The following NME7 variants were observed in gnomAD, a reference collection of about 807,000 sequenced individuals.
NME7 encodes the protein nucleoside diphosphate kinase 7.
A neutral mutation model predicts 49.1 loss-of-function variants in NME7; 41 were observed. The ratio of observed to expected loss-of-function variants is 0.83; its 90% CI spans 0.65 to 1.08. The LOEUF (loss-of-function observed/expected upper bound fraction) is 1.08, where lower values mean the gene tolerates loss of function less well. NME7 is among the 50% of genes least tolerant of loss of function. The pLI, the probability that NME7 is intolerant of heterozygous loss-of-function variation, is 0.00. For synonymous variants in NME7, 139 were observed against 150.6 expected (o/e 0.92, Z 0.56); for missense variants, 423 against 463.4 (o/e 0.91, Z 0.80).
In NME7 at chr1:169,151,497, A is replaced by C. The variant is rs1658913915; in HGVS notation, c.1098+17950T>G. On this transcript the variant is annotated intron_variant, in intron 11 of 11. Coordinates refer to ENST00000367811, the MANE Select transcript of NME7 (RefSeq NM_013330.5). ...GAGGTGGAGGGATTCCAATGAATCC[A>C]GGGTGGCCCTCGGTGACCCAGGGCT... Among the ~76,000 whole-genome samples the C allele has an allele frequency of 2.0e-5, 3 of 152,142 alleles. No homozygotes were observed. The South Asian group carries it at 6.2e-4, about 31-fold the overall frequency.
chr1:169,174,881 T>C (rs1253022166), intron 10 of NME7, among the ~76,000 whole-genome samples: 2 of 152,206 alleles, frequency 1.3e-5, no homozygotes, highest in Non-Finnish European at 2.9e-5. Flanking sequence ...TGTATACTAC[T>C]GCAGACTTTA....
intron 3 of NME7, among the ~76,000 whole-genome samples, chr1:169,318,740 A>G (rs1368751082): frequency 6.6e-6 from 1 of 152,076 alleles, no homozygotes; most frequent in Non-Finnish European, 1.5e-5. Flanking sequence ...GAAGTCATGG[A>G]GTACATAGAA....
At chr1:169,294,954 C>T (rs1208855893) in intron 6 of NME7, among the ~76,000 whole-genome samples, 1 of 152,062 alleles carries the variant, frequency 6.6e-6, no homozygotes, top group Non-Finnish European at 1.5e-5. Flanking sequence ...GATTAATGCC[C>T]TCCCTCCAAG....
At chr1:169,222,807 A>G (rs1661184948) in intron 10 of NME7, among the ~76,000 whole-genome samples, 1 of 152,232 alleles carries the variant, frequency 6.6e-6, no homozygotes, top group African/African-American at 2.4e-5. Context: ...AAATTTATAG[A>G]AAAGTTACTA....
At chr1:169,343,403 T>C (rs1238431973) in intron 1 of NME7, among the ~76,000 whole-genome samples, 1 of 152,122 alleles carries the variant, frequency 6.6e-6, no homozygotes. Flanking sequence ...TTGTCAAAAA[T>C]CAATTTACCA....
In NME7 at chr1:169,342,495, A is replaced by ATATAC. The variant is rs1446639168; in HGVS notation, c.4-18000_4-17996dup. 6.6e-5 allele frequency among the ~76,000 whole-genome samples: 9 copies of ATATAC among 136,590 alleles called. No homozygotes were observed. In the South Asian group the frequency reaches 1.3e-3, roughly 20 times the overall value. 89.6% of individuals were successfully genotyped at this position (136,590 alleles called of 152,430 possible). A position where few individuals can be genotyped will look rare whatever the true frequency, so the allele number is the denominator to read the frequency against. The stretch of plus-strand genomic sequence containing the variant: ...TATATACTTGTATTAGTATATATAT[A>ATATAC]TATACAAGTACATATATATATAGTA... On this transcript the variant is annotated intron_variant, in intron 1 of 11. Coordinates refer to ENST00000367811, the MANE Select transcript of NME7 (RefSeq NM_013330.5).
chr1:169,144,494 C>T (rs995954655), intron 11 of NME7, among the ~76,000 whole-genome samples: 1 of 152,096 alleles, frequency 6.6e-6, no homozygotes. Flanking sequence ...TGTGCTGAAA[C>T]CCAATAAGGA....
chr1:169,136,605 T>C (rs933206141), intron 11 of NME7, among the ~76,000 whole-genome samples: 2 of 152,220 alleles, frequency 1.3e-5, no homozygotes, highest in East Asian at 1.9e-4. Context: ...ACTATTCTCA[T>C]CGATACCACT....
intron 1 of NME7, among the ~76,000 whole-genome samples, chr1:169,338,822 G>A (rs769819876): frequency 6.6e-6 from 1 of 152,206 alleles, no homozygotes; most frequent in Non-Finnish European, 1.5e-5. Flanking sequence ...CAGAAGGTCA[G>A]ATAAGTTAAA....
At chr1:169,156,193 G>A (rs973994997) in intron 11 of NME7, among the ~76,000 whole-genome samples, 1 of 151,820 alleles carries the variant, frequency 6.6e-6, no homozygotes, top group Non-Finnish European at 1.5e-5. Context: ...CATGCCTGTG[G>A]TCCTAGCTGC....
Position 169,199,528 on chromosome 1 carries a change from A to G in NME7, c.991-29974T>C, listed in dbSNP as rs540493027. Among the ~76,000 whole-genome samples the G allele has an allele frequency of 7.3e-5, 11 of 150,408 alleles. No individual in the cohort carries two copies. In the East Asian group the frequency reaches 1.8e-3, roughly 24 times the overall value. ...GAGATGGAGCCTCACTATGTTGCCC[A>G]AGCTGGTCTCAAACTCCTGGGCTCA... On this transcript the variant is annotated intron_variant, in intron 10 of 11. Transcript: ENST00000367811.
chr1:169,364,037 C>T (rs1653759982), intron 1 of NME7, among the ~76,000 whole-genome samples: 1 of 152,228 alleles, frequency 6.6e-6, no homozygotes, highest in Non-Finnish European at 1.5e-5. Context: ...TTCTTCATGA[C>T]AACTTTTCTG....
Position 169,169,496 on chromosome 1 carries a change from A to G in NME7, c.1049T>C (p.Ile350Thr). ...TLRAIFGKTKIQNAVHCTDLP... is the reference protein window; with the variant it reads ...TLRAIFGKTKTQNAVHCTDLP... The stretch of plus-strand genomic sequence containing the variant: ...ATCAGTACAGTGAACAGCATTCTGG[A>G]TCTTAGTTTTACCAAAGATTGCTCT... The change falls in exon 11 of 12, where the codon ATC (isoleucine) becomes ACC (threonine). Residue 350 changes from isoleucine to threonine, a missense_variant. Coordinates refer to ENST00000367811, the MANE Select transcript of NME7 (RefSeq NM_013330.5). The G allele has an allele frequency of 3.7e-6, 6 of 1,614,094 alleles. No homozygotes were observed. Among genetic ancestry groups the G allele is most frequent in the Non-Finnish European group, 5.1e-6 (6 of 1,179,982 alleles).
intron 10 of NME7, among the ~76,000 whole-genome samples, chr1:169,171,519 T>G (rs1659588927): frequency 6.6e-6 from 1 of 152,174 alleles, no homozygotes; most frequent in Non-Finnish European, 1.5e-5. Flanking sequence ...TCCCAGCACT[T>G]TGGGAGGCCG....
At chr1:169,289,002 C>A (rs1486839256) in intron 6 of NME7, among the ~76,000 whole-genome samples, 1 of 152,126 alleles carries the variant, frequency 6.6e-6, no homozygotes, top group Non-Finnish European at 1.5e-5. Flanking sequence ...CAACAAAATT[C>A]AAAAGAAATG....
At chr1:169,251,808 G>A (rs59861850) in intron 7 of NME7, among the ~76,000 whole-genome samples, 2,145 of 150,134 alleles carry the variant, frequency 0.014, 44 homozygotes, top group African/African-American at 0.047. Flanking sequence ...AGAATATGCA[G>A]TGTTTGGTTT....
intron 1 of NME7, among the ~76,000 whole-genome samples, chr1:169,329,182 C>CA (rs887026044): frequency 1.1e-4 from 17 of 148,958 alleles, no homozygotes; most frequent in East Asian, 7.8e-4. Context: ...CTAACAACAA[C>CA]AAAAAAAAAA....
rs928984650 is a variant in NME7 at position 169,168,276 on chromosome 1, C to T, written c.1098+1171G>A. Among the ~76,000 whole-genome samples the T allele has an allele frequency of 2.0e-5, 3 of 152,188 alleles. No individual in the cohort carries two copies. The East Asian group carries it at 5.8e-4, about 29-fold the overall frequency. On this transcript the variant is annotated intron_variant, in intron 11 of 11. Transcript: ENST00000367811. ...TCTAAAGCTTTTAAGTAAACTTTCA[C>T]TCCTGCTCTAAAACTTGCCTCAGTC...
rs536829243 is a variant in NME7, at chr1:169,149,494, CTGAAACCACAT to C, written c.1099-16688_1099-16678del. Among the ~76,000 whole-genome samples the C allele has an allele frequency of 3.0e-3, 458 of 152,264 alleles. 3 individuals carry two copies. The highest frequency in any genetic ancestry group is 0.01 in the Middle Eastern group (3 of 294). ...TACATCCCAAACCCCCAGCGGATAC[CTGAAACCACAT>C]ATAGTACCAAACCCTACATATACTA... On this transcript the variant is annotated intron_variant, in intron 11 of 11. Transcript: ENST00000367811.
Sources: gnomAD v4.1 joint callset for allele counts (sites outside exome capture counted in the v4.1 genomes callset) on GRCh38, gnomAD v4.1.1 for gene constraint, MANE v1.5 for transcripts, NCBI Gene and HGNC (gene_info 2026-07-23, HGNC 2026-07-21) for gene names.